LRBA: variants seen among roughly 807,000 people sequenced by gnomAD.
The protein encoded by LRBA is LPS responsive beige-like anchor protein.
A neutral mutation model predicts 330.0 loss-of-function variants in LRBA; 176 were observed. The ratio of observed to expected loss-of-function variants is 0.53; its 90% confidence interval spans 0.47 to 0.60. LRBA has a LOEUF of 0.60. Among genes scored for constraint, LRBA ranks in the 20% least tolerant of loss-of-function variants. LRBA has a pLI of 0.00. For synonymous variants in LRBA, 1,230 were observed against 1,193.0 expected (o/e 1.03, Z -0.64); for missense variants, 3,259 against 3,444.8 (o/e 0.95, Z 1.35).
chr4:150,386,998 G>T (rs1743175650), intron 47 of LRBA, among the ~76,000 whole-genome samples: 2 of 152,088 alleles, frequency 1.3e-5, no homozygotes, highest in African/African-American at 4.8e-5. Flanking sequence ...GGTTTGATTT[G>T]CATTTCTCTA....
At chr4:150,441,120 T>C (rs1466227589) in intron 44 of LRBA, among the ~76,000 whole-genome samples, 2 of 151,992 alleles carry the variant, frequency 1.3e-5, no homozygotes, top group African/African-American at 2.4e-5. Flanking sequence ...ATAATAATGA[T>C]AATAATTATT....
At chr4:150,639,837 A>G (rs373511436) in intron 37 of LRBA, among the ~76,000 whole-genome samples, 1,441 of 27,126 alleles carry the variant, frequency 0.053, 299 homozygotes, top group Admixed American at 0.18. Flanking sequence ...ATATATATAT[A>G]TATATATATA....
At chr4:151,007,079 A>G (rs1406356251) in intron 2 of LRBA, among the ~76,000 whole-genome samples, 1 of 152,252 alleles carries the variant, frequency 6.6e-6, no homozygotes, top group Non-Finnish European at 1.5e-5. Context: ...GCAATTTGGT[A>G]CTGGTTTAAG....
At position 150,490,814 on chromosome 4, in the gene LRBA, G is replaced by T. The variant is rs941619316; in HGVS notation, c.6448+104C>A. 10 of 562,888 alleles carry T rather than the reference G, an allele frequency of 1.8e-5. No individual in the cohort carries two copies. In the East Asian group the frequency reaches 3.0e-4, roughly 17 times the overall value. 34.9% of individuals were successfully genotyped at this position (562,888 alleles called of 1,614,324 possible). A position where few individuals can be genotyped will look rare whatever the true frequency, so the allele number is the denominator to read the frequency against. Reference sequence around the variant, plus strand: ...AAGAGGTCACTAGAACAGAAGGTGGGCTACAAATAACTATCTAAATTGAAG... The same window carrying T: ...AAGAGGTCACTAGAACAGAAGGTGGTCTACAAATAACTATCTAAATTGAAG... On this transcript the variant is annotated intron_variant, in intron 41 of 56. Transcript: ENST00000651943.
chr4:150,921,386 G>A, intron 4 of LRBA, 93 bp from the exon 5 acceptor site: 1 of 743,722 alleles, frequency 1.3e-6, no homozygotes, highest in Non-Finnish European at 2.4e-6. Context: ...ATATATACAG[G>A]AATAATGCTA....
At chr4:150,513,585 G>C (rs1311370367) in intron 40 of LRBA, among the ~76,000 whole-genome samples, 1 of 152,184 alleles carries the variant, frequency 6.6e-6, no homozygotes, top group African/African-American at 2.4e-5. Context: ...TGATTTCTTG[G>C]AGTTCTGGAG....
intron 35 of LRBA, among the ~76,000 whole-genome samples, chr4:150,742,633 C>CT (rs1480789574): frequency 6.6e-6 from 1 of 152,076 alleles, no homozygotes; most frequent in East Asian, 1.9e-4. Flanking sequence ...TACAGTGGCT[C>CT]ATGCCTACAA....
At chr4:150,317,903 C>T (rs1033228960) in intron 50 of LRBA, among the ~76,000 whole-genome samples, 5 of 152,094 alleles carry the variant, frequency 3.3e-5, no homozygotes, top group East Asian at 3.9e-4. Flanking sequence ...TATAAAAAAA[C>T]GCGATTTCAT....
At chr4:150,540,219 GTGT>G (rs199996274) in intron 40 of LRBA, among the ~76,000 whole-genome samples, 57 of 152,204 alleles carry the variant, frequency 3.7e-4, no homozygotes, top group Middle Eastern at 3.4e-3. Context: ...GTTTTTATGG[GTGT>G]TGTTGTTGTT....
At chr4:150,789,817 T>A (rs1302824255) in intron 34 of LRBA, among the ~76,000 whole-genome samples, 1 of 152,114 alleles carries the variant, frequency 6.6e-6, no homozygotes, top group Admixed American at 6.5e-5. Context: ...AAGCAAGCAA[T>A]GATAGCTGAG....
Position 150,467,738 on chromosome 4 carries a change from T to C in LRBA, c.6715A>G (p.Ile2239Val). 1.2e-6 allele frequency: 2 copies of C among 1,609,322 alleles called. No individual in the cohort carries two copies. ...LNQYPVFPWV[I>V]TNYESEELDL... Reference sequence around the variant, plus strand: ...AGTTCTTCTGATTCATAATTAGTGATGACCCAAGGAAACACTGGATACTGA... The same window carrying C: ...AGTTCTTCTGATTCATAATTAGTGACGACCCAAGGAAACACTGGATACTGA... The change falls in exon 44 of 57, where the codon ATC becomes GTC. Residue 2239 changes from isoleucine (I) to valine (V), a missense_variant. Ile to Val is a conservative substitution (Grantham distance 29, BLOSUM62 3). Coordinates refer to ENST00000651943, the MANE Select transcript of LRBA (RefSeq NM_001364905.1).
At chr4:150,752,065 T>G (rs567481399) in intron 35 of LRBA, among the ~76,000 whole-genome samples, 1 of 152,286 alleles carries the variant, frequency 6.6e-6, no homozygotes, top group South Asian at 2.1e-4. Context: ...GGAAATAATG[T>G]TCCTGAATTG....
Position 150,803,076 on chromosome 4 carries a change from AT to A in LRBA, c.5518+3194del, listed in dbSNP as rs1402002921. Among the ~76,000 whole-genome samples, 98 of 88,318 alleles carry A rather than the reference AT, an allele frequency of 1.1e-3. 1 individual carries two copies. Among genetic ancestry groups the A allele is most frequent in the African/African-American group, 3.9e-3 (76 of 19,246 alleles). The allele number at this position is 88,318 out of a possible 152,430, so 57.9% of individuals were successfully genotyped here. On this transcript the variant is annotated intron_variant, in intron 33 of 56. Coordinates refer to ENST00000651943, the MANE Select transcript of LRBA (RefSeq NM_001364905.1). Reference sequence around the variant, plus strand: ...AAAAACAAAAACAAACAAAAAAAAAATATATATACACACACACACACACACA... The same window carrying A: ...AAAAACAAAAACAAACAAAAAAAAAAATATATACACACACACACACACACA...
chr4:150,754,687 T>C (rs1285927280), intron 35 of LRBA, among the ~76,000 whole-genome samples: 1 of 152,000 alleles, frequency 6.6e-6, no homozygotes, highest in East Asian at 1.9e-4. Flanking sequence ...CCTACCAACT[T>C]GGGGGACCAA....
chr4:151,014,701 G>C lies in LRBA; in HGVS notation c.-59C>G. 1 of 1,150,372 alleles carries C rather than the reference G, an allele frequency of 8.7e-7. No individual in the cohort carries two copies. Among genetic ancestry groups the C allele is most frequent in the South Asian group, 1.4e-5 (1 of 69,868 alleles). 71.3% of individuals were successfully genotyped at this position (1,150,372 alleles called of 1,614,324 possible). The stretch of plus-strand genomic sequence containing the variant: ...CCCTGGGACGGCAGTCGCTGCACTG[G>C]TAATGAGCACAACACACGCAATGCA... On this transcript the variant is annotated 5_prime_UTR_variant, in exon 2 of 57. Coordinates refer to ENST00000651943, the MANE Select transcript of LRBA (RefSeq NM_001364905.1).
At chr4:150,345,814 C>CA (rs1554005179) in intron 48 of LRBA, among the ~76,000 whole-genome samples, 1 of 150,892 alleles carries the variant, frequency 6.6e-6, no homozygotes, top group Non-Finnish European at 1.5e-5. Context: ...TCCCCTCAAC[C>CA]TTTTTTTTTG....
Position 150,282,629 on chromosome 4 carries a change from G to C in LRBA, c.8137C>G (p.His2713Asp). The C allele has an allele frequency of 6.2e-7, 1 of 1,607,960 alleles. No individual in the cohort carries two copies. Among genetic ancestry groups the C allele is most frequent in the Non-Finnish European group, 8.5e-7 (1 of 1,176,288 alleles). The stretch of plus-strand genomic sequence containing the variant: ...CTCAACAAGTCTCCATTCATGGAAT[G>C]TATGAGACATGGTCCTTCTGAGAAG... ...SGSQEGPCLI[H>D]SMNGDLLRTL... The change falls in exon 55 of 57, where the codon CAT becomes GAT. Residue 2713 changes from histidine to aspartate, a missense_variant. By Grantham distance (81) the His-to-Asp change is moderately conservative. Coordinates refer to ENST00000651943, the MANE Select transcript of LRBA (RefSeq NM_001364905.1).
intron 47 of LRBA, among the ~76,000 whole-genome samples, chr4:150,404,266 A>T (rs1267054554): frequency 1.3e-5 from 2 of 152,208 alleles, no homozygotes; most frequent in East Asian, 3.8e-4. Context: ...AACTGCTCTA[A>T]AATGAATTAG....
intron 46 of LRBA, chr4:150,422,668 G>A (rs917449763): frequency 3.0e-6 from 2 of 668,760 alleles, no homozygotes; most frequent in Admixed American, 2.2e-5. Flanking sequence ...CACTGCTCCG[G>A]CTCCTCTAAC....
Sources: allele counts gnomAD v4.1 joint callset (sites outside exome capture counted in the v4.1 genomes callset), GRCh38; gene constraint gnomAD v4.1.1; transcripts MANE v1.5; gene names NCBI Gene and HGNC (gene_info 2026-07-23, HGNC 2026-07-21).